Variants in SCOC observed in about 807,000 individuals in gnomAD.
SCOC encodes short coiled-coil protein, also known as short coiled coil protein.
In SCOC, 7 loss-of-function variants were observed where a neutral mutation model predicts 9.9. That is an observed-to-expected ratio of 0.71 (90% confidence interval 0.40 to 1.33). The LOEUF is 1.33. Ranked by LOEUF, SCOC falls within the 40% of genes most tolerant of loss-of-function variation. The pLI, the probability that SCOC is intolerant of heterozygous loss-of-function variation, is 0.01. For missense variants in SCOC, 66 were observed against 89.7 expected (o/e 0.74, Z 1.07); for synonymous variants, 19 against 28.2 (o/e 0.67, Z 1.03).
intron 1 of SCOC, among the ~76,000 whole-genome samples, chr4:140,333,129 C>T (rs569202052): frequency 6.6e-6 from 1 of 152,322 alleles, no homozygotes; most frequent in African/African-American, 2.4e-5. Flanking sequence ...ACTTGCTGAT[C>T]TTTCTGCCAG....
chr4:140,319,187 G>A (rs1035867842), intron 1 of SCOC, among the ~76,000 whole-genome samples: 3 of 152,224 alleles, frequency 2.0e-5, no homozygotes, highest in African/African-American at 7.2e-5. Flanking sequence ...TGCCTCCCAG[G>A]TTCAAGTGAT....
intron 1 of SCOC, among the ~76,000 whole-genome samples, chr4:140,334,636 G>T (rs1206177579): frequency 6.6e-6 from 1 of 152,044 alleles, no homozygotes; most frequent in African/African-American, 2.4e-5. Context: ...ATTTGTAAGG[G>T]TACAGTACCA....
At chr4:140,272,351 A>G (rs1730865857) in intron 1 of SCOC, among the ~76,000 whole-genome samples, 1 of 152,040 alleles carries the variant, frequency 6.6e-6, no homozygotes, top group Non-Finnish European at 1.5e-5. Flanking sequence ...CACTGCGCCC[A>G]GCCTGTGTCA....
chr4:140,321,811 T>C (rs1194327024), intron 1 of SCOC, among the ~76,000 whole-genome samples: 2 of 152,204 alleles, frequency 1.3e-5, no homozygotes, highest in African/African-American at 4.8e-5. Flanking sequence ...CTGACAGACA[T>C]TCTTATGTTC....
At chr4:140,368,112 G>C (rs1246546228) in intron 2 of SCOC, among the ~76,000 whole-genome samples, 1 of 152,134 alleles carries the variant, frequency 6.6e-6, no homozygotes, top group Non-Finnish European at 1.5e-5. Flanking sequence ...TCACGATATA[G>C]TCACAAAACT....
At chr4:140,366,242 G>A (rs1727790904) in intron 2 of SCOC, 4 of 1,125,128 alleles carry the variant, frequency 3.6e-6, no homozygotes, top group Admixed American at 3.4e-5. Context: ...CCTCTTTCTT[G>A]CCAAACGCTT....
At chr4:140,257,642 C>T (rs778956783) in intron 1 of SCOC, among the ~76,000 whole-genome samples, 2 of 152,192 alleles carry the variant, frequency 1.3e-5, no homozygotes, top group Non-Finnish European at 2.9e-5. Context: ...TTTAACCTGT[C>T]TCTGCCTCAG....
At chr4:140,286,617 C>T (rs1578770846) in intron 1 of SCOC, among the ~76,000 whole-genome samples, 1 of 152,236 alleles carries the variant, frequency 6.6e-6, no homozygotes, top group South Asian at 2.1e-4. Context: ...CCAGACTGGG[C>T]GGCATGTGCA....
At chr4:140,344,714 C>G (rs1295760218) in intron 2 of SCOC, among the ~76,000 whole-genome samples, 1 of 152,194 alleles carries the variant, frequency 6.6e-6, no homozygotes, top group African/African-American at 2.4e-5. Context: ...CTGTCCTTAA[C>G]ATGCTCCCAC....
chr4:140,367,236 CATAAATAA>C (rs370355272), intron 2 of SCOC, among the ~76,000 whole-genome samples: 9 of 151,972 alleles, frequency 5.9e-5, no homozygotes, highest in East Asian at 1.9e-4. Flanking sequence ...GACCATTTCT[CATAAATAA>C]ATAAATAAAT....
At chr4:140,296,614 C>T (rs1222123231) in intron 1 of SCOC, among the ~76,000 whole-genome samples, 1 of 152,132 alleles carries the variant, frequency 6.6e-6, no homozygotes, top group African/African-American at 2.4e-5. Context: ...CCTGGTAAAC[C>T]GGGTGACATG....
chr4:140,355,221 A>ATATAT (rs1727165258), intron 2 of SCOC, among the ~76,000 whole-genome samples: 3 of 9,470 alleles, frequency 3.2e-4, no homozygotes, highest in African/African-American at 8.0e-4. Flanking sequence ...TTATATATAT[A>ATATAT]TATATATATA....
At chr4:140,330,416 C>G (rs908007102) in intron 1 of SCOC, among the ~76,000 whole-genome samples, 4 of 152,084 alleles carry the variant, frequency 2.6e-5, no homozygotes, top group African/African-American at 9.6e-5. Context: ...CAAAGACCTA[C>G]TGAAATAAAA....
At chr4:140,304,055 C>G (rs1447033512) in intron 1 of SCOC, among the ~76,000 whole-genome samples, 2 of 152,148 alleles carry the variant, frequency 1.3e-5, no homozygotes, top group African/African-American at 4.8e-5. Context: ...AGATGACACA[C>G]ATACAACTAT....
chr4:140,295,863 G>A (rs1380098222), intron 1 of SCOC, among the ~76,000 whole-genome samples: 7 of 149,242 alleles, frequency 4.7e-5, no homozygotes, highest in East Asian at 4.0e-4. Flanking sequence ...CCCGGGAGGC[G>A]GAGCTTGCAG....
chr4:140,260,152 C>T (rs1730599935), intron 1 of SCOC, among the ~76,000 whole-genome samples: 1 of 152,202 alleles, frequency 6.6e-6, no homozygotes, highest in African/African-American at 2.4e-5. Context: ...ATATGCATAC[C>T]TCTCATCATA....
chr4:140,303,178 T>A (rs1731863365), intron 1 of SCOC, among the ~76,000 whole-genome samples: 1 of 152,184 alleles, frequency 6.6e-6, no homozygotes, highest in African/African-American at 2.4e-5. Flanking sequence ...GCAAAGAGCC[T>A]TTATCTTGAT....
intron 2 of SCOC, among the ~76,000 whole-genome samples, chr4:140,361,389 C>T (rs1049907411): frequency 8.5e-5 from 13 of 152,272 alleles, no homozygotes; most frequent in Admixed American, 6.5e-4. Context: ...TTTAGGCCAG[C>T]GCAGTGGCTC....
At chr4:140,268,909 T>C (rs1363834360) in intron 1 of SCOC, among the ~76,000 whole-genome samples, 1 of 152,062 alleles carries the variant, frequency 6.6e-6, no homozygotes. Context: ...GAACGTGCAA[T>C]AGGGAAGAGC....
Sources: allele counts gnomAD v4.1 joint callset (sites outside exome capture counted in the v4.1 genomes callset), GRCh38; gene constraint gnomAD v4.1.1; transcripts MANE v1.5; gene names NCBI Gene and HGNC (gene_info 2026-07-23, HGNC 2026-07-21).